FAM184B: variants seen among roughly 807,000 people sequenced by gnomAD.
FAM184B encodes the protein family with sequence similarity 184 member B.
Under a neutral mutation model 135.9 loss-of-function variants are expected in FAM184B, and 111 were observed. The ratio of observed to expected loss-of-function variants is 0.82; its 90% CI spans 0.70 to 0.96. The LOEUF (loss-of-function observed/expected upper bound fraction) is 0.96. FAM184B is among the 40% of genes least tolerant of loss of function. FAM184B has a pLI of 0.00. For missense variants in FAM184B, 1,375 were observed against 1,323.9 expected (o/e 1.04, Z -0.60); for synonymous variants, 552 against 524.8 (o/e 1.05, Z -0.71).
intron 6 of FAM184B, among the ~76,000 whole-genome samples, chr4:17,692,989 G>A (rs554458555): frequency 6.8e-6 from 1 of 146,530 alleles, no homozygotes; most frequent in Non-Finnish European, 1.5e-5. Flanking sequence ...AGCCCACAAA[G>A]GGGCGAATGT....
At chr4:17,746,015 C>G (rs1269741667) in intron 1 of FAM184B, among the ~76,000 whole-genome samples, 1 of 152,078 alleles carries the variant, frequency 6.6e-6, no homozygotes, top group African/African-American at 2.4e-5. Flanking sequence ...CTGGAGTGCA[C>G]TGGTACAATC....
chr4:17,751,866 CAA>C (rs1553842781), intron 1 of FAM184B, among the ~76,000 whole-genome samples: 15 of 143,314 alleles, frequency 1.0e-4, no homozygotes, highest in East Asian at 6.0e-4. Flanking sequence ...CACACACACA[CAA>C]AAGAACCAGG....
chr4:17,736,473 T>C (rs1717910966), intron 1 of FAM184B, among the ~76,000 whole-genome samples: 1 of 152,144 alleles, frequency 6.6e-6, no homozygotes, highest in Non-Finnish European at 1.5e-5. Flanking sequence ...GAGGGTTAAA[T>C]AAGGTGGAAA....
At chr4:17,685,787 A>G (rs1407246014) in intron 7 of FAM184B, among the ~76,000 whole-genome samples, 1 of 152,082 alleles carries the variant, frequency 6.6e-6, no homozygotes, top group Non-Finnish European at 1.5e-5. Context: ...AGCACACAGC[A>G]TAGCTCCACA....
In FAM184B at chr4:17,637,023, A is replaced by G. The variant is rs546372158; in HGVS notation, c.2667-378T>C. Among the ~76,000 whole-genome samples the G allele has an allele frequency of 2.0e-5, 3 of 151,984 alleles. No homozygotes were observed. In the South Asian group the frequency reaches 6.2e-4, roughly 32 times the overall value. ...AGAGCGCGGCCAGTGGCCGGTACCT[A>G]TGGCCTTTTTTTTCTTTTTTGGAGA... On this transcript the variant is annotated intron_variant, in intron 14 of 17. Transcript: ENST00000265018.
chr4:17,659,909 G>C (rs758645937), intron 9 of FAM184B, 49 bp downstream of exon 9: 1 of 1,541,476 alleles, frequency 6.5e-7, no homozygotes, highest in African/African-American at 1.4e-5. Context: ...GTAAAAAGGA[G>C]GGGGCAGGAT....
chr4:17,636,395 G>A (rs1487876008), intron 15 of FAM184B, 133 bp downstream of exon 15: 7 of 721,686 alleles, frequency 9.7e-6, no homozygotes, highest in Admixed American at 2.3e-5. Context: ...GAGCCACCGC[G>A]CACGGCAAGA....
At chr4:17,675,865 G>A (rs190919824) in intron 7 of FAM184B, among the ~76,000 whole-genome samples, 1 of 152,270 alleles carries the variant, frequency 6.6e-6, no homozygotes, top group East Asian at 1.9e-4. Context: ...GAGAATTAGG[G>A]CCTGGCTCTG....
chr4:17,682,797 A>G (rs1716480623), intron 7 of FAM184B, among the ~76,000 whole-genome samples: 1 of 152,068 alleles, frequency 6.6e-6, no homozygotes, highest in South Asian at 2.1e-4. Context: ...CTGCGCCTGG[A>G]CTGTTTTTAT....
chr4:17,760,845 G>T (rs1047641301), intron 1 of FAM184B, among the ~76,000 whole-genome samples: 7 of 152,116 alleles, frequency 4.6e-5, no homozygotes, highest in Non-Finnish European at 7.3e-5. Flanking sequence ...TTTCTCCAAG[G>T]CACTTCGGGA....
At chr4:17,710,367 C>G (rs1717238074) in intron 1 of FAM184B, among the ~76,000 whole-genome samples, 1 of 146,022 alleles carries the variant, frequency 6.8e-6, no homozygotes, top group Non-Finnish European at 1.5e-5. Flanking sequence ...CTGGACAGAG[C>G]AATATATAAA....
intron 1 of FAM184B, among the ~76,000 whole-genome samples, chr4:17,760,822 G>A (rs746396979): frequency 5.9e-5 from 9 of 152,118 alleles, no homozygotes; most frequent in East Asian, 1.9e-4. Flanking sequence ...TGCGTTTCTC[G>A]GAAGAAATGC....
Position 17,647,687 on chromosome 4 carries a change from C to T in FAM184B, c.2296G>A (p.Ala766Thr), listed in dbSNP as rs1715506840. The T allele has an allele frequency of 6.4e-7, 1 of 1,551,004 alleles. No individual in the cohort carries two copies. Among genetic ancestry groups the T allele is most frequent in the East Asian group, 2.4e-5 (1 of 40,912 alleles). The change falls in exon 12 of 18, where the codon GCC (alanine) becomes ACC (threonine). Residue 766 changes from alanine to threonine, a missense_variant. Coordinates refer to ENST00000265018, the MANE Select transcript of FAM184B (RefSeq NM_015688.2). ...CTGTCTCCTGGACACTGGCTGCTGG[C>T]TTGCTGTCTGCCCAGAGCCCTCAGC... ...AELRALGRQQ[A>T]SSQCPGDSKD... is the part of the protein sequence containing the mutation.
In FAM184B at chr4:17,630,751, C is replaced by CGTAA. The variant is rs1489956093; in HGVS notation, c.*1777_*1780dup. On this transcript the variant is annotated 3_prime_UTR_variant, in exon 18 of 18. Transcript: ENST00000265018. ...TTAGGCAGTAAATTTACCTTTAATACGTAAGTTTGACAGTTATATGTAATC... is the reference window on the plus strand; with the variant it reads ...TTAGGCAGTAAATTTACCTTTAATACGTAAGTAAGTTTGACAGTTATATGTAATC... The CGTAA allele has an allele frequency of 1.3e-5, 2 of 149,720 alleles. No individual in the cohort carries two copies. Among genetic ancestry groups the CGTAA allele is most frequent in the Non-Finnish European group, 3.0e-5 (2 of 67,702 alleles). 9.3% of individuals were successfully genotyped at this position (149,720 alleles called of 1,614,324 possible). A position where few individuals can be genotyped will look rare whatever the true frequency, so the allele number is the denominator to read the frequency against.
chr4:17,632,511 T>G lies in FAM184B; in HGVS notation c.*21A>C. 1 of 1,508,812 alleles carries G rather than the reference T, an allele frequency of 6.6e-7. No individual in the cohort carries two copies. 93.5% of individuals were successfully genotyped at this position (1,508,812 alleles called of 1,614,324 possible). On this transcript the variant is annotated 3_prime_UTR_variant, in exon 18 of 18. Coordinates refer to ENST00000265018, the MANE Select transcript of FAM184B (RefSeq NM_015688.2). ...ATAAATGTTTTTCAAGTATCCTCTG[T>G]GATGTATCCCAAAGGTTAGCTTAGA... is the stretch of plus-strand genomic sequence containing the variant.
chr4:17,687,249 G>A (rs1716610221), intron 7 of FAM184B, among the ~76,000 whole-genome samples: 1 of 152,180 alleles, frequency 6.6e-6, no homozygotes, highest in African/African-American at 2.4e-5. Context: ...GATTCAGACT[G>A]ACCCATGTAG....
At chr4:17,751,822 G>GACACACACACACAC (rs1718298223) in intron 1 of FAM184B, among the ~76,000 whole-genome samples, 8 of 23,126 alleles carry the variant, frequency 3.5e-4, no homozygotes, top group Admixed American at 2.0e-3. Flanking sequence ...CTAAAAACAA[G>GACACACACACACAC]GCACACACAC....
rs191991058 is a variant in FAM184B at position 17,763,331 on chromosome 4, G to A, written c.141+17828C>T. 3.6e-3 allele frequency among the ~76,000 whole-genome samples: 546 copies of A among 152,100 alleles called. 3 individuals carry two copies. Among genetic ancestry groups the A allele is most frequent in the African/African-American group, 0.012 (478 of 41,468 alleles). The stretch of plus-strand genomic sequence containing the variant: ...AATTGACATTAGAATCCACCAAAGG[G>A]GAGAGAGATCAGCAAATGAGCTACT... On this transcript the variant is annotated intron_variant, in intron 1 of 17. Transcript: ENST00000265018.
chr4:17,733,302 C>G (rs1297588000), intron 1 of FAM184B, among the ~76,000 whole-genome samples: 1 of 152,352 alleles, frequency 6.6e-6, no homozygotes, highest in East Asian at 1.9e-4. Context: ...TCTCTCACCA[C>G]TACTATTCAA....
Sources: allele counts gnomAD v4.1 joint callset (sites outside exome capture counted in the v4.1 genomes callset), GRCh38; gene constraint gnomAD v4.1.1; transcripts MANE v1.5; gene names NCBI Gene and HGNC (gene_info 2026-07-23, HGNC 2026-07-21).